CCBE1: variants seen among roughly 807,000 people sequenced by gnomAD.
CCBE1 encodes the protein collagen and calcium-binding EGF domain-containing protein 1.
In CCBE1, 37 loss-of-function variants were observed where a neutral mutation model predicts 50.0. The observed-to-expected ratio is 0.74, with a 90% confidence interval of 0.57 to 0.97. CCBE1 has a LOEUF of 0.97. CCBE1 is among the 50% of genes least tolerant of loss of function. The pLI is 0.00. For missense variants in CCBE1, 538 were observed against 523.8 expected (o/e 1.03, Z -0.26); for synonymous variants, 234 against 203.7 (o/e 1.15, Z -1.27).
intron 2 of CCBE1, among the ~76,000 whole-genome samples, chr18:59,526,712 T>C (rs749440018): frequency 6.6e-6 from 1 of 152,202 alleles, no homozygotes; most frequent in African/African-American, 2.4e-5. Context: ...TGTTGTCTGT[T>C]TGTTCTCATT....
chr18:59,547,470 C>A (rs1915751915), intron 2 of CCBE1, among the ~76,000 whole-genome samples: 1 of 151,972 alleles, frequency 6.6e-6, no homozygotes, highest in East Asian at 1.9e-4. Context: ...AGAAAATTGG[C>A]CCCAGGGAGA....
rs564110505 is a variant in CCBE1 at position 59,431,710 on chromosome 18, T to C, written c.*4198A>G. The C allele has an allele frequency of 2.6e-5, 4 of 152,402 alleles. No homozygotes were observed. In the East Asian group the frequency reaches 7.7e-4, roughly 29 times the overall value. The allele number at this position is 152,402 out of a possible 1,614,324, so 9.4% of individuals were successfully genotyped here. A position where few individuals can be genotyped will look rare whatever the true frequency, so the allele number is the denominator to read the frequency against. On this transcript the variant is annotated 3_prime_UTR_variant, in exon 11 of 11. Coordinates refer to ENST00000439986, the MANE Select transcript of CCBE1 (RefSeq NM_133459.4). Reference sequence around the variant, plus strand: ...TGGGGTAATACTCACCTTTCCTTCCTTCCAAAACCAATGAACATTTATTAT... The same window carrying C: ...TGGGGTAATACTCACCTTTCCTTCCCTCCAAAACCAATGAACATTTATTAT...
intron 2 of CCBE1, among the ~76,000 whole-genome samples, chr18:59,545,668 A>T (rs1341781005): frequency 1.3e-5 from 2 of 152,214 alleles, no homozygotes. Context: ...TACTCCTATA[A>T]TTCCCATGTG....
At chr18:59,458,552 T>A (rs1911312036) in intron 5 of CCBE1, among the ~76,000 whole-genome samples, 1 of 152,246 alleles carries the variant, frequency 6.6e-6, no homozygotes, top group African/African-American at 2.4e-5. Flanking sequence ...CATGGAATGT[T>A]AGAACGTATC....
chr18:59,589,851 A>T (rs2053236526), intron 2 of CCBE1, among the ~76,000 whole-genome samples: 1 of 151,406 alleles, frequency 6.6e-6, no homozygotes, highest in Non-Finnish European at 1.5e-5. Flanking sequence ...ACCAGCTAGG[A>T]TGTACTTCAG....
intron 2 of CCBE1, among the ~76,000 whole-genome samples, chr18:59,643,905 A>C (rs2054022266): frequency 6.6e-6 from 1 of 152,138 alleles, no homozygotes; most frequent in Non-Finnish European, 1.5e-5. Context: ...AATATCTACC[A>C]TGAAAGCCCA....
intron 2 of CCBE1, among the ~76,000 whole-genome samples, chr18:59,557,994 T>C (rs949213): frequency 0.73 from 110,958 of 151,174 alleles, 40,681 homozygotes; most frequent in East Asian, 0.88. Flanking sequence ...AGACATAACA[T>C]GGTAAGTGTG....
At position 59,494,190 on chromosome 18, in the gene CCBE1, A is replaced by G. The variant is rs1598950084; in HGVS notation, c.213-13952T>C. Among the ~76,000 whole-genome samples, 6 of 152,358 alleles carry G rather than the reference A, an allele frequency of 3.9e-5. 1 individual carries two copies. The South Asian group carries it at 1.2e-3, about 32-fold the overall frequency. ...GAGGATAAACTCAATTTCAGGAGCCAGGGAAATACATAGGTTGGAGTTGCC... is the reference window on the plus strand; with the variant it reads ...GAGGATAAACTCAATTTCAGGAGCCGGGGAAATACATAGGTTGGAGTTGCC... On this transcript the variant is annotated intron_variant, in intron 2 of 10. Transcript: ENST00000439986.
intron 2 of CCBE1, among the ~76,000 whole-genome samples, chr18:59,662,254 G>C (rs1455143574): frequency 2.0e-5 from 3 of 152,206 alleles, no homozygotes; most frequent in South Asian, 4.1e-4. Flanking sequence ...TGTGACCTCA[G>C]CTGGGAACGT....
intron 2 of CCBE1, among the ~76,000 whole-genome samples, chr18:59,502,296 G>T (rs992805631): frequency 6.6e-6 from 1 of 152,140 alleles, no homozygotes; most frequent in Non-Finnish European, 1.5e-5. Flanking sequence ...CTGCACCCTC[G>T]CCTTGAAACC....
intron 2 of CCBE1, among the ~76,000 whole-genome samples, chr18:59,496,199 A>T (rs1913347737): frequency 6.6e-6 from 1 of 152,210 alleles, no homozygotes; most frequent in Non-Finnish European, 1.5e-5. Context: ...TACGGGTTAC[A>T]GGAGGCTATA....
chr18:59,584,506 T>A (rs2851863), intron 2 of CCBE1, among the ~76,000 whole-genome samples: 129,604 of 149,916 alleles, frequency 0.86, 55,563 homozygotes, highest in East Asian at 1. Flanking sequence ...ATAATAATAA[T>A]AAAAAAAGAA....
intron 2 of CCBE1, among the ~76,000 whole-genome samples, chr18:59,625,175 T>A (rs1313282631): frequency 1.3e-5 from 2 of 152,194 alleles, no homozygotes; most frequent in Admixed American, 1.3e-4. Flanking sequence ...CTCCCACCTG[T>A]AATCCCAGCA....
In CCBE1 at chr18:59,454,190, G is replaced by A. The variant is rs75183584; in HGVS notation, c.654+661C>T. Among the ~76,000 whole-genome samples the A allele has an allele frequency of 0.014, 2,064 of 152,304 alleles. 125 individuals carry two copies. The East Asian group carries it at 0.21, about 15-fold the overall frequency. On this transcript the variant is annotated intron_variant, in intron 6 of 10. Coordinates refer to ENST00000439986, the MANE Select transcript of CCBE1 (RefSeq NM_133459.4). ...ATAAAATAGAATTACTTAGGCACAT[G>A]TATTCCCTAAGGCACATAGATTATT...
At chr18:59,610,668 G>C (rs571441759) in intron 2 of CCBE1, among the ~76,000 whole-genome samples, 41 of 152,190 alleles carry the variant, frequency 2.7e-4, no homozygotes, top group Non-Finnish European at 4.8e-4. Flanking sequence ...ACAGGGAAAG[G>C]AGCATGGGTG....
chr18:59,670,395 T>A (rs912509784), intron 2 of CCBE1, among the ~76,000 whole-genome samples: 1 of 152,150 alleles, frequency 6.6e-6, no homozygotes, highest in African/African-American at 2.4e-5. Flanking sequence ...ATGGCAAATG[T>A]CTGAGAAGAG....
chr18:59,437,324 G>A lies in CCBE1; in HGVS notation c.987+787C>T, dbSNP rs182122846. Among the ~76,000 whole-genome samples the A allele has an allele frequency of 8.6e-4, 131 of 152,302 alleles. 1 individual carries two copies. The highest frequency in any genetic ancestry group is 1.2e-3 in the Admixed American group (18 of 15,298). On this transcript the variant is annotated intron_variant, in intron 10 of 10. Coordinates refer to ENST00000439986, the MANE Select transcript of CCBE1 (RefSeq NM_133459.4). ...GCACCGTGGAAGCAGAGCTTACACC[G>A]TAAAGCACTAAGAGAGGCACAGTAT...
chr18:59,660,727 A>AT (rs202130001), intron 2 of CCBE1, among the ~76,000 whole-genome samples: 12 of 55,570 alleles, frequency 2.2e-4, no homozygotes, highest in Admixed American at 9.0e-4. Flanking sequence ...CCCAACACGT[A>AT]TTTTTTTTAA....
Position 59,461,632 on chromosome 18 carries a change from A to G in CCBE1, c.553+5107T>C, listed in dbSNP as rs890481482. ...GCTGGAGAGCACCCTTAGTAGAGTC[A>G]TATCAGGTTTCCCTTTTAAGACTAT... On this transcript the variant is annotated intron_variant, in intron 5 of 10. Coordinates refer to ENST00000439986, the MANE Select transcript of CCBE1 (RefSeq NM_133459.4). Among the ~76,000 whole-genome samples, 4 of 152,068 alleles carry G rather than the reference A, an allele frequency of 2.6e-5. No individual in the cohort carries two copies. In the East Asian group the frequency reaches 7.8e-4, roughly 29 times the overall value.
Sources: allele counts gnomAD v4.1 joint callset (sites outside exome capture counted in the v4.1 genomes callset), GRCh38; gene constraint gnomAD v4.1.1; transcripts MANE v1.5; gene names NCBI Gene and HGNC (gene_info 2026-07-23, HGNC 2026-07-21).